Variants in AVIL observed in about 807,000 individuals in gnomAD.
The protein encoded by AVIL is advillin.
In AVIL, 78 loss-of-function variants were observed where a neutral mutation model predicts 109.9. The ratio of observed to expected loss-of-function variants is 0.71; its 90% CI spans 0.59 to 0.86. The LOEUF is 0.86. Among genes scored for constraint, AVIL ranks in the 40% least tolerant of loss-of-function variants. The pLI is 0.00. For missense variants in AVIL, 892 were observed against 1,016.5 expected (o/e 0.88, Z 1.67); for synonymous variants, 367 against 379.1 (o/e 0.97, Z 0.37).
At chr12:57,815,039 G>T (rs1467021949) in intron 2 of AVIL, 1 of 152,206 alleles carries the variant, frequency 6.6e-6, no homozygotes, top group Non-Finnish European at 1.5e-5. Flanking sequence ...TGCAAGCTCC[G>T]CCTCCCGGGT....
chr12:57,805,347 G>A (rs563059041), intron 14 of AVIL, among the ~76,000 whole-genome samples: 4 of 152,060 alleles, frequency 2.6e-5, no homozygotes, highest in African/African-American at 4.8e-5. Context: ...GTGAGCCACC[G>A]CGCCCGGCCT....
intron 9 of AVIL, 62 bp downstream of exon 9, chr12:57,809,535 G>A: frequency 6.4e-7 from 1 of 1,565,352 alleles, no homozygotes; most frequent in Non-Finnish European, 8.8e-7. Flanking sequence ...TCTGTGGAGT[G>A]ACACACCTGA....
chr12:57,803,683 G>A lies in AVIL; in HGVS notation c.1672-14C>T, dbSNP rs201367717. 8.5e-5 allele frequency: 137 copies of A among 1,612,990 alleles called. No homozygotes were observed. The highest frequency in any genetic ancestry group is 8.3e-5 in the Admixed American group (5 of 59,972). ...CCCACTAGACCCCTGAGAGTGGGGC[G>A]AGGAGAGCACAGATGTTAGTTGCAC... On this transcript the variant is annotated splice_polypyrimidine_tract_variant and intron_variant, in intron 14 of 19. Coordinates refer to ENST00000549994, the MANE Select transcript of AVIL (RefSeq NM_006576.4).
At chr12:57,798,130 C>A in intron 19 of AVIL, 135 bp from the exon 20 acceptor site, 1 of 530,280 alleles carries the variant, frequency 1.9e-6, no homozygotes, top group Admixed American at 3.8e-5. Context: ...CTCAGAAAGG[C>A]TGTTAAAGAT....
Position 57,801,191 on chromosome 12 carries a change from AT to A in AVIL, c.2172del (p.Gln724HisfsTer2). On this transcript the variant is annotated frameshift_variant, in exon 18 of 20. Coordinates refer to ENST00000549994, the MANE Select transcript of AVIL (RefSeq NM_006576.4). LOFTEE classifies it high-confidence loss of function. ...NIWSAGKTYE[Q>X]LKEELGDAAA... ...GCAGCATCTCCCAGCTCTTCTTTTAATTGTTCATATGTTTTTCCTGCCTGAG... is the reference window on the plus strand; with the variant it reads ...GCAGCATCTCCCAGCTCTTCTTTTAATGTTCATATGTTTTTCCTGCCTGAG... The A allele has an allele frequency of 6.2e-7, 1 of 1,613,524 alleles. No homozygotes were observed. The highest frequency in any genetic ancestry group is 8.5e-7 in the Non-Finnish European group (1 of 1,179,750).
intron 17 of AVIL, 24 bp from the exon 18 acceptor site, chr12:57,801,236 C>G (rs747371816): frequency 1.9e-6 from 3 of 1,601,360 alleles, no homozygotes; most frequent in Non-Finnish European, 2.6e-6. Flanking sequence ...AGAGAAAACA[C>G]AGGATGAGGT....
intron 1 of AVIL, 67 bp from the exon 2 acceptor site, chr12:57,816,126 CT>C: frequency 7.5e-7 from 1 of 1,336,426 alleles, no homozygotes; most frequent in Non-Finnish European, 1.0e-6. Context: ...TCCAGTTTTT[CT>C]GCCGAGCTGC....
rs1956021721 is a variant in AVIL at position 57,810,473 on chromosome 12, CCTT to C, written c.634_636del (p.Lys212del). 2 of 1,614,084 alleles carry C rather than the reference CCTT, an allele frequency of 1.2e-6. No homozygotes were observed. The highest frequency in any genetic ancestry group is 1.1e-5 in the South Asian group (1 of 91,088). ...TTCATCAGCTCTGGGCTGGCTGCCT[CCTT>C]GTCTCCCTCGATCACTCCTATTTTA... On this transcript the variant is annotated inframe_deletion, in exon 7 of 20. Coordinates refer to ENST00000549994, the MANE Select transcript of AVIL (RefSeq NM_006576.4).
chr12:57,809,489 A>T, intron 9 of AVIL, 108 bp downstream of exon 9: 1 of 1,306,376 alleles, frequency 7.7e-7, no homozygotes, highest in Non-Finnish European at 1.1e-6. Flanking sequence ...CCATGTACGT[A>T]AGCACAATGT....
chr12:57,813,308 A>G lies in AVIL; in HGVS notation c.257T>C (p.Leu86Pro), dbSNP rs766103854. The change falls in exon 4 of 20, where the codon CTG (leucine) becomes CCG (proline). Residue 86 changes from leucine (L) to proline (P), a missense_variant. Transcript: ENST00000549994. ...AIYTTQLDDYLGGSPVQHREV... is the reference protein window; with the variant it reads ...AIYTTQLDDYPGGSPVQHREV... ...TCGGTGCTGCACAGGGCTGCCTCCCAGGTAGTCGTCCAGCTGTGTGGTATA... is the reference window on the plus strand; with the variant it reads ...TCGGTGCTGCACAGGGCTGCCTCCCGGGTAGTCGTCCAGCTGTGTGGTATA... 1 of 1,613,996 alleles carries G rather than the reference A, an allele frequency of 6.2e-7. No individual in the cohort carries two copies. The highest frequency in any genetic ancestry group is 8.5e-7 in the Non-Finnish European group (1 of 1,180,004).
At chr12:57,807,846 C>G in intron 11 of AVIL, 119 bp from the exon 12 acceptor site, 3 of 1,404,362 alleles carry the variant, frequency 2.1e-6, no homozygotes, top group Non-Finnish European at 3.0e-6. Flanking sequence ...TCCCTTTCTC[C>G]CTCTGGTTCT....
rs149574165 is a variant in AVIL at position 57,800,709 on chromosome 12, G to A, written c.2220+435C>T. ...AGCAACTTCCGCTTCCTGGGTTCAA[G>A]CAGTTCTCCTGTCTCAGCCTCCCGA... On this transcript the variant is annotated intron_variant, in intron 18 of 19. Coordinates refer to ENST00000549994, the MANE Select transcript of AVIL (RefSeq NM_006576.4). 93 of 155,212 alleles carry A rather than the reference G, an allele frequency of 6.0e-4. 2 individuals carry two copies. In the East Asian group the frequency reaches 0.017, roughly 28 times the overall value. The allele number at this position is 155,212 out of a possible 1,614,324, so 9.6% of individuals were successfully genotyped here.
rs1955889691 is a variant in AVIL, at chr12:57,803,444, C to G, written c.1818-53G>C. 6 of 1,613,404 alleles carry G rather than the reference C, an allele frequency of 3.7e-6. No homozygotes were observed. The South Asian group carries it at 5.5e-5, about 15-fold the overall frequency. On this transcript the variant is annotated intron_variant, in intron 15 of 19. Transcript: ENST00000549994. Reference sequence around the variant, plus strand: ...AAGCTGCTTAGAAATGTTTTTAAAACTGAGGTTTTAGCCTTTGTGCAATTC... The same window carrying G: ...AAGCTGCTTAGAAATGTTTTTAAAAGTGAGGTTTTAGCCTTTGTGCAATTC...
intron 1 of AVIL, among the ~76,000 whole-genome samples, chr12:57,818,015 G>GT (rs1956117921): frequency 6.6e-6 from 1 of 151,756 alleles, no homozygotes; most frequent in Admixed American, 6.6e-5. Context: ...AGAGGAAGCT[G>GT]TTTTTTGTTG....
intron 19 of AVIL, among the ~76,000 whole-genome samples, chr12:57,798,392 A>G (rs1394507491): frequency 1.3e-5 from 2 of 152,208 alleles, no homozygotes; most frequent in Non-Finnish European, 2.9e-5. Context: ...TTTCAAATGC[A>G]TGATCGGGTG....
At chr12:57,812,705 TTA>T (rs1788572179) in intron 4 of AVIL, among the ~76,000 whole-genome samples, 2 of 141,292 alleles carry the variant, frequency 1.4e-5, no homozygotes, top group Admixed American at 1.4e-4. Context: ...GTTATATGTC[TTA>T]GTCTGTTTCT....
At chr12:57,806,213 T>A in intron 14 of AVIL, 147 bp downstream of exon 14, 1 of 730,776 alleles carries the variant, frequency 1.4e-6, no homozygotes, top group Admixed American at 2.2e-5. Context: ...CATGCTAATC[T>A]TCTCTGTATC....
chr12:57,803,147 A>G (rs1304611730), intron 16 of AVIL, 100 bp downstream of exon 16: 2 of 1,482,054 alleles, frequency 1.3e-6, no homozygotes, highest in African/African-American at 1.4e-5. Context: ...GGGATGGTCC[A>G]GGGCTACCCT....
At chr12:57,813,743 C>T (rs1207801849) in intron 3 of AVIL, among the ~76,000 whole-genome samples, 1 of 152,236 alleles carries the variant, frequency 6.6e-6, no homozygotes, top group African/African-American at 2.4e-5. Context: ...TGCACTCACA[C>T]AGCTGGCACA....
Sources: gnomAD v4.1 joint callset for allele counts (sites outside exome capture counted in the v4.1 genomes callset) on GRCh38, gnomAD v4.1.1 for gene constraint, MANE v1.5 for transcripts, NCBI Gene and HGNC (gene_info 2026-07-23, HGNC 2026-07-21) for gene names.